The following ADRM1 variants were observed in gnomAD, a reference collection of about 807,000 sequenced individuals.
ADRM1 encodes the protein proteasomal ubiquitin receptor ADRM1.
In ADRM1, 2 loss-of-function variants were observed where a neutral mutation model predicts 40.1. That is an observed-to-expected ratio of 0.05 (90% CI 0.02 to 0.16). The LOEUF (loss-of-function observed/expected upper bound fraction) is 0.16. Among genes scored for constraint, ADRM1 ranks in the 10% least tolerant of loss-of-function variants. The pLI is 1.00. For missense variants in ADRM1, 467 were observed against 552.5 expected (o/e 0.85, Z 1.55); for synonymous variants, 287 against 240.4 (o/e 1.19, Z -1.79).
At chr20:62,303,453 C>T (rs1984412957) in intron 1 of ADRM1, 115 bp from the exon 2 acceptor site, 1 of 1,086,746 alleles carries the variant, frequency 9.2e-7, no homozygotes, top group East Asian at 2.4e-5. Flanking sequence ...TCTGAGTCTG[C>T]CTTAGGCAGC....
At chr20:62,306,147 C>T (rs1346659127) in intron 3 of ADRM1, 50 bp from the exon 4 acceptor site, 1 of 1,582,268 alleles carries the variant, frequency 6.3e-7, no homozygotes, top group Admixed American at 1.7e-5. Flanking sequence ...TGTGGTGGCC[C>T]TGGGTGAGCT....
In ADRM1 at chr20:62,308,447, C is replaced by T; in HGVS notation, c.1094C>T (p.Ala365Val). The T allele has an allele frequency of 6.2e-7, 1 of 1,608,096 alleles. No individual in the cohort carries two copies. Among genetic ancestry groups the T allele is most frequent in the Non-Finnish European group, 8.5e-7 (1 of 1,178,476 alleles). Residue 365 changes from alanine (A) to valine (V), a missense_variant, in exon 9 of 10, where the codon GCT (alanine) becomes GTT (valine). Coordinates refer to ENST00000253003, the MANE Select transcript of ADRM1 (RefSeq NM_007002.4). The part of the protein sequence containing the change: ...LMCQFGLPAE[A>V]VEAANKGDVE... The stretch of plus-strand genomic sequence containing the variant: ...TGCCAGTTCGGTCTGCCTGCAGAGG[C>T]TGTGGAGGCCGCCAACAAGGGCGGT...
Position 62,307,647 on chromosome 20 carries a change from C to T in ADRM1, c.675C>T (p.Thr225=), listed in dbSNP as rs1985279616. Reference sequence around the variant, plus strand: ...CCCCGTCATCCACCACCTCTTCCACCCGTGCCACCCCAGCCCCTTCTGCTC... The same window carrying T: ...CCCCGTCATCCACCACCTCTTCCACTCGTGCCACCCCAGCCCCTTCTGCTC... ...AVTPSSTTSS[T]RATPAPSAPA... The change falls in exon 7 of 10, where the codon ACC becomes ACT. Residue 225 remains threonine (T), a synonymous_variant. Coordinates refer to ENST00000253003, the MANE Select transcript of ADRM1 (RefSeq NM_007002.4). 2 of 1,612,122 alleles carry T rather than the reference C, an allele frequency of 1.2e-6. No individual in the cohort carries two copies. The highest frequency in any genetic ancestry group is 1.1e-5 in the South Asian group (1 of 91,074).
intron 9 of ADRM1, 72 bp downstream of exon 9, chr20:62,308,542 G>A: frequency 6.4e-7 from 1 of 1,561,098 alleles, no homozygotes; most frequent in East Asian, 2.3e-5. Context: ...TGGATCTGCA[G>A]AAGTGGGGCT....
In ADRM1 at chr20:62,304,451, G is replaced by C; in HGVS notation, c.214-10G>C. On this transcript the variant is annotated splice_polypyrimidine_tract_variant and intron_variant, in intron 2 of 9. Transcript: ENST00000253003. ...TGCGCCACTGACTCTCTCTTCCCCT[G>C]GCTTGCCAGGACTTGATCATCTTCC... 1 of 1,611,626 alleles carries C rather than the reference G, an allele frequency of 6.2e-7. No individual in the cohort carries two copies. The highest frequency in any genetic ancestry group is 2.2e-5 in the East Asian group (1 of 44,836).
In ADRM1 at chr20:62,307,360, G is replaced by C. The variant is rs777078033; in HGVS notation, c.542-11G>C. The stretch of plus-strand genomic sequence containing the variant: ...GGGCATCCTGAGCTCGCATTTCCTT[G>C]CCCCTCGCAGGTGGGCTGGGGGCCC... On this transcript the variant is annotated splice_polypyrimidine_tract_variant and intron_variant, in intron 5 of 9. Coordinates refer to ENST00000253003, the MANE Select transcript of ADRM1 (RefSeq NM_007002.4). 6.3e-7 allele frequency: 1 copy of C among 1,598,334 alleles called. No individual in the cohort carries two copies. The highest frequency in any genetic ancestry group is 8.5e-7 in the Non-Finnish European group (1 of 1,175,204).
chr20:62,307,948 G>C, intron 7 of ADRM1, 73 bp from the exon 8 acceptor site: 1 of 1,563,862 alleles, frequency 6.4e-7, no homozygotes, highest in Non-Finnish European at 8.7e-7. Context: ...CATGGGCTGA[G>C]TCCCTGCTTG....
chr20:62,303,619 C>T lies in ADRM1; in HGVS notation c.51C>T (p.Gly17=). ...LFPSLVPGSR[G]ASNKYLVEFR... ...CAAGCCTGGTGCCAGGCTCTCGGGG[C>T]GCCTCCAACAAGTACTTGGTGGAGT... Residue 17 remains glycine (G), a synonymous_variant, in exon 2 of 10, where the codon GGC becomes GGT. Coordinates refer to ENST00000253003, the MANE Select transcript of ADRM1 (RefSeq NM_007002.4). 1 of 1,605,756 alleles carries T rather than the reference C, an allele frequency of 6.2e-7. No individual in the cohort carries two copies. Among genetic ancestry groups the T allele is most frequent in the Non-Finnish European group, 8.5e-7 (1 of 1,177,558 alleles).
chr20:62,303,372 C>T (rs965705279), intron 1 of ADRM1, 196 bp from the exon 2 acceptor site: 7 of 551,060 alleles, frequency 1.3e-5, no homozygotes, highest in African/African-American at 7.9e-5. Context: ...CGGGGCTGCC[C>T]CGGCCCAGCG....
At chr20:62,308,271 G>T in intron 8 of ADRM1, 93 bp downstream of exon 8, 1 of 1,536,998 alleles carries the variant, frequency 6.5e-7, no homozygotes. Flanking sequence ...CATGGCCAGT[G>T]CTTCATGTGC....
intron 8 of ADRM1, 41 bp downstream of exon 8, chr20:62,308,219 G>C: frequency 6.4e-7 from 1 of 1,574,056 alleles, no homozygotes; most frequent in Non-Finnish European, 8.6e-7. Context: ...GTGTGCTCAG[G>C]GAGTGGGCAG....
intron 2 of ADRM1, chr20:62,304,026 G>C: frequency 3.6e-6 from 2 of 559,524 alleles, no homozygotes; most frequent in Non-Finnish European, 6.4e-6. Context: ...CCGGAGCTCT[G>C]TGCCTGGCCT....
intron 9 of ADRM1, 31 bp from the exon 10 acceptor site, chr20:62,308,624 G>C (rs750009192): frequency 3.7e-6 from 6 of 1,611,772 alleles, no homozygotes. Context: ...GCAAGGGTTA[G>C]ACACCACCTT....
intron 5 of ADRM1, 57 bp downstream of exon 5, chr20:62,306,791 G>A (rs560289919): frequency 4.1e-6 from 6 of 1,458,478 alleles, no homozygotes; most frequent in Middle Eastern, 1.7e-4. Context: ...TTTGAGGCCC[G>A]GTCTCTGTTT....
chr20:62,308,264 G>A, intron 8 of ADRM1, 86 bp downstream of exon 8: 1 of 1,539,382 alleles, frequency 6.5e-7, no homozygotes, highest in Non-Finnish European at 8.8e-7. Flanking sequence ...CCTTCACCAT[G>A]GCCAGTGCTT....
At chr20:62,305,179 A>T (rs1055566487) in intron 3 of ADRM1, among the ~76,000 whole-genome samples, 4 of 152,218 alleles carry the variant, frequency 2.6e-5, no homozygotes, top group African/African-American at 7.2e-5. Context: ...ATCATTTTCC[A>T]TAAGCCAGTA....
At chr20:62,305,719 C>T (rs1306644751) in intron 3 of ADRM1, 2 of 156,464 alleles carry the variant, frequency 1.3e-5, no homozygotes, top group Non-Finnish European at 2.8e-5. Flanking sequence ...GTCGATGCTT[C>T]TGACACTGAT....
intron 2 of ADRM1, 80 bp downstream of exon 2, chr20:62,303,861 G>A (rs1479031324): frequency 6.9e-7 from 1 of 1,447,692 alleles, no homozygotes; most frequent in East Asian, 2.3e-5. Context: ...TCGCGGTGGG[G>A]GCTTGGCCGC....
chr20:62,304,719 G>C, intron 3 of ADRM1, 142 bp downstream of exon 3: 1 of 796,292 alleles, frequency 1.3e-6, no homozygotes, highest in Admixed American at 2.1e-5. Context: ...GCCACCTCAG[G>C]GCTGCGGTGC....
Sources: gnomAD v4.1 joint callset for allele counts (sites outside exome capture counted in the v4.1 genomes callset) on GRCh38, gnomAD v4.1.1 for gene constraint, MANE v1.5 for transcripts, NCBI Gene and HGNC (gene_info 2026-07-23, HGNC 2026-07-21) for gene names.